TNIK: variants seen among roughly 807,000 people sequenced by gnomAD.
The protein encoded by TNIK is TRAF2 and NCK interacting kinase.
TNIK carries 49 observed loss-of-function variants against 191.3 expected under a neutral mutation model. The observed-to-expected ratio is 0.26, with a 90% CI of 0.20 to 0.32. TNIK has a LOEUF of 0.32. TNIK is among the 10% of genes least tolerant of loss of function. TNIK has a pLI of 1.00. For missense variants in TNIK, 1,155 were observed against 1,702.3 expected, an observed-to-expected ratio of 0.68 and a Z score of 5.66; for synonymous variants, 594 against 600.9, an observed-to-expected ratio of 0.99 and a Z score of 0.17.
At chr3:171,404,997 C>T (rs557696580) in intron 1 of TNIK, among the ~76,000 whole-genome samples, 1 of 152,292 alleles carries the variant, frequency 6.6e-6, no homozygotes, top group East Asian at 1.9e-4. Context: ...CAAAATGGTA[C>T]ACTTTGAAAA....
chr3:171,384,981 A>C (rs988357073), intron 1 of TNIK, among the ~76,000 whole-genome samples: 2 of 152,218 alleles, frequency 1.3e-5, no homozygotes, highest in South Asian at 4.1e-4. Context: ...AGAATGAAGG[A>C]ATTTTGCCAA....
chr3:171,408,237 A>G (rs1355650030), intron 1 of TNIK, among the ~76,000 whole-genome samples: 1 of 152,220 alleles, frequency 6.6e-6, no homozygotes, highest in Non-Finnish European at 1.5e-5. Context: ...ACATAGACAA[A>G]TAAAATACCA....
At chr3:171,410,183 A>C (rs929884664) in intron 1 of TNIK, among the ~76,000 whole-genome samples, 2 of 152,186 alleles carry the variant, frequency 1.3e-5, no homozygotes, top group African/African-American at 4.8e-5. Context: ...AGTACTCAAA[A>C]GCATCTTCTG....
intron 21 of TNIK, among the ~76,000 whole-genome samples, chr3:171,102,251 A>G (rs1045178362): frequency 1.7e-4 from 25 of 144,562 alleles, no homozygotes; most frequent in Non-Finnish European, 3.2e-5. Context: ...ATCAAGAGGA[A>G]CAACAACAAC....
intron 2 of TNIK, among the ~76,000 whole-genome samples, chr3:171,361,276 T>C (rs761644134): frequency 9.2e-5 from 14 of 152,194 alleles, no homozygotes; most frequent in Non-Finnish European, 2.1e-4. Context: ...AGATGATTTC[T>C]ATAAAAAGTG....
chr3:171,074,649 C>A (rs2108336265), intron 28 of TNIK, among the ~76,000 whole-genome samples: 1 of 152,242 alleles, frequency 6.6e-6, no homozygotes, highest in East Asian at 1.9e-4. Flanking sequence ...CATATAGGCT[C>A]AGATAAATCA....
intron 3 of TNIK, among the ~76,000 whole-genome samples, chr3:171,212,011 TAC>T (rs1284746871): frequency 6.6e-6 from 1 of 152,198 alleles, no homozygotes; most frequent in African/African-American, 2.4e-5. Context: ...TTGATGTGTA[TAC>T]ACATTGGTTG....
At chr3:171,294,883 G>A (rs766877985) in intron 2 of TNIK, among the ~76,000 whole-genome samples, 2 of 152,012 alleles carry the variant, frequency 1.3e-5, no homozygotes, top group Non-Finnish European at 2.9e-5. Flanking sequence ...TGCCAATAAC[G>A]CTACTTGGGT....
intron 2 of TNIK, among the ~76,000 whole-genome samples, chr3:171,290,459 A>G (rs1380469787): frequency 6.6e-6 from 1 of 152,214 alleles, no homozygotes; most frequent in Non-Finnish European, 1.5e-5. Context: ...GACATATCAC[A>G]TGTTAAGGTC....
chr3:171,234,070 T>C (rs1471279449), intron 2 of TNIK, among the ~76,000 whole-genome samples: 1 of 152,208 alleles, frequency 6.6e-6, no homozygotes, highest in African/African-American at 2.4e-5. Flanking sequence ...TGAGCTGTCA[T>C]GATGATGGCA....
chr3:171,172,965 A>G (rs1312741985), intron 9 of TNIK, among the ~76,000 whole-genome samples: 1 of 152,170 alleles, frequency 6.6e-6, no homozygotes, highest in African/African-American at 2.4e-5. Context: ...AGGTCAGCAC[A>G]CCGTTGATCT....
chr3:171,060,476 C>T lies in TNIK; in HGVS notation c.*3405G>A, dbSNP rs1384097343. On this transcript the variant is annotated 3_prime_UTR_variant, in exon 33 of 33. Transcript: ENST00000436636. ...ATGTCAAAGTGTTAGAAAAATGGAG[C>T]CCCTGTCCAGGTGACCTTGTGAGAT... 6.6e-6 allele frequency among the ~76,000 whole-genome samples: 1 copy of T among 152,150 alleles called. No homozygotes were observed. The highest frequency in any genetic ancestry group is 1.5e-5 in the Non-Finnish European group (1 of 68,028).
At chr3:171,431,870 A>G (rs1725431885) in intron 1 of TNIK, among the ~76,000 whole-genome samples, 1 of 152,230 alleles carries the variant, frequency 6.6e-6, no homozygotes, top group Admixed American at 6.5e-5. Flanking sequence ...GCCTTTTGGC[A>G]AATCCCAAGA....
intron 1 of TNIK, among the ~76,000 whole-genome samples, chr3:171,410,644 T>G (rs1429351682): frequency 6.6e-6 from 1 of 151,922 alleles, no homozygotes; most frequent in Non-Finnish European, 1.5e-5. Context: ...CCAGGCGTGG[T>G]GGCAGGAGCC....
At chr3:171,399,271 G>C (rs1300083952) in intron 1 of TNIK, among the ~76,000 whole-genome samples, 2 of 152,130 alleles carry the variant, frequency 1.3e-5, no homozygotes, top group East Asian at 3.8e-4. Context: ...GCCTCCTTCT[G>C]AAATTCAACA....
chr3:171,308,939 A>C lies in TNIK; in HGVS notation c.123+60681T>G, dbSNP rs537093708. ...TGTAAAGAAAAGGGAATGCTTATAC[A>C]CTGCTGGTGGAAATGTAAATTCATT... On this transcript the variant is annotated intron_variant, in intron 2 of 32. Coordinates refer to ENST00000436636, the MANE Select transcript of TNIK (RefSeq NM_015028.4). Among the ~76,000 whole-genome samples, 3 of 152,290 alleles carry C rather than the reference A, an allele frequency of 2.0e-5. No homozygotes were observed. In the South Asian group the frequency reaches 6.2e-4, roughly 32 times the overall value.
intron 28 of TNIK, 100 bp downstream of exon 28, chr3:171,079,418 A>G: frequency 2.2e-6 from 3 of 1,379,554 alleles, no homozygotes; most frequent in East Asian, 2.4e-5. Flanking sequence ...CTGGTCACAC[A>G]TGCATCATCA....
chr3:171,098,561 A>T (rs1723030736), intron 22 of TNIK, among the ~76,000 whole-genome samples: 1 of 152,188 alleles, frequency 6.6e-6, no homozygotes. Flanking sequence ...CATAGAAAAA[A>T]GCTATTGTTT....
intron 7 of TNIK, among the ~76,000 whole-genome samples, chr3:171,188,215 G>C (rs1345255932): frequency 6.6e-6 from 1 of 152,120 alleles, no homozygotes; most frequent in Admixed American, 6.5e-5. Flanking sequence ...CCATAAAGTA[G>C]TCACCAATAT....
Sources: allele counts gnomAD v4.1 joint callset (sites outside exome capture counted in the v4.1 genomes callset), GRCh38; gene constraint gnomAD v4.1.1; transcripts MANE v1.5; gene names NCBI Gene and HGNC (gene_info 2026-07-23, HGNC 2026-07-21).